DENND2B: variants seen among roughly 807,000 people sequenced by gnomAD.
DENND2B encodes the protein DENN domain-containing protein 2B.
Under a neutral mutation model 116.0 loss-of-function variants are expected in DENND2B, and 32 were observed. That is an observed-to-expected ratio of 0.28 (90% confidence interval 0.21 to 0.37). The LOEUF is 0.37. Ranked by LOEUF, DENND2B falls within the 10% of genes least tolerant of loss-of-function variation. The pLI, the probability that DENND2B is intolerant of heterozygous loss-of-function variation, is 1.00. For missense variants in DENND2B, 1,276 were observed against 1,477.7 expected (o/e 0.86, Z 2.24); for synonymous variants, 588 against 583.9 (o/e 1.01, Z -0.10).
chr11:8,767,461 A>G (rs2056050496), intron 1 of DENND2B, among the ~76,000 whole-genome samples: 1 of 152,220 alleles, frequency 6.6e-6, no homozygotes, highest in African/African-American at 2.4e-5. Flanking sequence ...CCATTTGGAG[A>G]CTATCAATTC....
At chr11:8,744,194 C>A (rs1485602827) in intron 2 of DENND2B, among the ~76,000 whole-genome samples, 2 of 148,004 alleles carry the variant, frequency 1.4e-5, no homozygotes, top group Admixed American at 1.4e-4. Context: ...AGTGCAATGG[C>A]GTGATCTCGG....
intron 14 of DENND2B, among the ~76,000 whole-genome samples, chr11:8,701,945 GC>G (rs1390879648): frequency 6.6e-6 from 1 of 151,926 alleles, no homozygotes; most frequent in African/African-American, 2.4e-5. Context: ...GCACCTCCAG[GC>G]CCTGCACATC....
chr11:8,725,375 C>CTTT (rs759022754), intron 4 of DENND2B, among the ~76,000 whole-genome samples: 1 of 82,178 alleles, frequency 1.2e-5, no homozygotes. Flanking sequence ...TGAAATATTA[C>CTTT]TTTTTTTTTT....
At chr11:8,903,174 G>A (rs1218253943) in intron 1 of DENND2B, among the ~76,000 whole-genome samples, 1 of 151,922 alleles carries the variant, frequency 6.6e-6, no homozygotes, top group Admixed American at 6.6e-5. Flanking sequence ...ATTTTTTAAA[G>A]TTTTATTTAT....
chr11:8,806,184 C>A (rs561046800), intron 1 of DENND2B, among the ~76,000 whole-genome samples: 1 of 152,340 alleles, frequency 6.6e-6, no homozygotes, highest in South Asian at 2.1e-4. Flanking sequence ...CAGATCTTGT[C>A]TCCCGTAACC....
intron 3 of DENND2B, among the ~76,000 whole-genome samples, chr11:8,840,309 C>A (rs1329656809): frequency 1.3e-5 from 2 of 152,118 alleles, no homozygotes; most frequent in African/African-American, 4.8e-5. Context: ...ACTCAGCATT[C>A]ACCAAAATTC....
At chr11:8,835,484 C>T (rs754864758) in intron 4 of DENND2B, 2 of 151,766 alleles carry the variant, frequency 1.3e-5, no homozygotes, top group Non-Finnish European at 2.9e-5. Context: ...ATCCCACAGG[C>T]AAAAAGGAAA....
chr11:8,801,442 C>T (rs756468250), intron 1 of DENND2B, among the ~76,000 whole-genome samples: 17 of 152,010 alleles, frequency 1.1e-4, no homozygotes, highest in Admixed American at 2.0e-4. Flanking sequence ...TTTGGGAGGC[C>T]GAGGCAGATG....
chr11:8,888,245 T>G (rs2063984487), intron 1 of DENND2B, among the ~76,000 whole-genome samples: 1 of 152,140 alleles, frequency 6.6e-6, no homozygotes, highest in East Asian at 1.9e-4. Flanking sequence ...TGTACACATT[T>G]CCTGAAACAG....
intron 1 of DENND2B, among the ~76,000 whole-genome samples, chr11:8,763,127 A>G (rs549305547): frequency 6.2e-4 from 95 of 152,364 alleles, no homozygotes; most frequent in African/African-American, 2.2e-3. Context: ...GTGAAGAGAT[A>G]TATGAAAAGG....
intron 1 of DENND2B, among the ~76,000 whole-genome samples, chr11:8,764,331 C>A (rs1425412379): frequency 2.0e-5 from 3 of 152,254 alleles, no homozygotes; most frequent in African/African-American, 4.8e-5. Context: ...GGAGGAAAAC[C>A]CTTTTTTCCT....
At chr11:8,719,380 G>A (rs559335210) in intron 4 of DENND2B, among the ~76,000 whole-genome samples, 2 of 152,306 alleles carry the variant, frequency 1.3e-5, no homozygotes, top group South Asian at 4.1e-4. Flanking sequence ...ACTGCAGTGG[G>A]AGCAATATAA....
At chr11:8,774,222 C>T (rs2057319032) in intron 1 of DENND2B, 1 of 985,466 alleles carries the variant, frequency 1.0e-6, no homozygotes, top group South Asian at 4.7e-5. Context: ...CCTACCTCCA[C>T]CCTTCAGCCC....
rs769108190 is a variant in DENND2B, at chr11:8,730,024, C to A, written c.1266G>T (p.Leu422Phe). 2 of 1,614,070 alleles carry A rather than the reference C, an allele frequency of 1.2e-6. No homozygotes were observed. Among genetic ancestry groups the A allele is most frequent in the Middle Eastern group, 1.6e-4 (1 of 6,062 alleles). Reference protein sequence around the residue: ...PSPTPAAPPPLPSTPAPPVTR... With the variant: ...PSPTPAAPPPFPSTPAPPVTR... ...TGACTGGCGGGGCTGGGGTGGAGGG[C>A]AAGGGAGGTGGAGCAGCAGGTGTGG... Residue 422 changes from leucine (L) to phenylalanine (F), a missense_variant, in exon 3 of 20, where the codon TTG becomes TTT. By Grantham distance (22) the Leu-to-Phe change is conservative (BLOSUM62 0). Transcript: ENST00000313726. This position sits in a 1 kb window ranked among gnomAD's most constrained non-coding sequence, Gnocchi z 4.1.
At chr11:8,863,788 T>C (rs1051880908) in intron 2 of DENND2B, among the ~76,000 whole-genome samples, 1 of 152,188 alleles carries the variant, frequency 6.6e-6, no homozygotes, top group African/African-American at 2.4e-5. Flanking sequence ...TATGTACAGA[T>C]TCGAGTGACT....
At chr11:8,759,621 G>C (rs1227319407) in intron 1 of DENND2B, among the ~76,000 whole-genome samples, 1 of 152,222 alleles carries the variant, frequency 6.6e-6, no homozygotes, top group African/African-American at 2.4e-5. Flanking sequence ...TCTTGTGTGT[G>C]TTCTGAGAAC....
intron 11 of DENND2B, 63 bp downstream of exon 11, chr11:8,710,782 C>T: frequency 6.9e-7 from 1 of 1,456,568 alleles, no homozygotes; most frequent in Non-Finnish European, 9.6e-7. Context: ...CACACACACA[C>T]ACACACACAC....
intron 14 of DENND2B, chr11:8,699,913 C>T: frequency 2.2e-6 from 1 of 456,312 alleles, no homozygotes; most frequent in Non-Finnish European, 4.4e-6. Flanking sequence ...ACATCTTTTC[C>T]AAGACCCCAG....
chr11:8,731,351 A>G, intron 2 of DENND2B, 142 bp from the exon 3 acceptor site: 1 of 812,192 alleles, frequency 1.2e-6, no homozygotes, highest in Non-Finnish European at 1.8e-6. Context: ...CAAGTAATAT[A>G]CCTTGAAGGC....
Sources: allele counts gnomAD v4.1 joint callset (sites outside exome capture counted in the v4.1 genomes callset), GRCh38; gene constraint gnomAD v4.1.1; non-coding constraint Gnocchi (gnomAD v3.1); transcripts MANE v1.5; gene names NCBI Gene and HGNC (gene_info 2026-07-23, HGNC 2026-07-21).